Variants in ELL2 observed in about 807,000 individuals in gnomAD.
ELL2 encodes elongation factor for RNA polymerase II 2, also known as RNA polymerase II elongation factor ELL2.
A neutral mutation model predicts 72.8 loss-of-function variants in ELL2; 21 were observed. The observed-to-expected ratio is 0.29, with a 90% CI of 0.20 to 0.42. ELL2 has a LOEUF of 0.42. Ranked by LOEUF, ELL2 falls within the 10% of genes least tolerant of loss-of-function variation. The pLI, the probability that ELL2 is intolerant of heterozygous loss-of-function variation, is 1.00. For missense variants in ELL2, 568 were observed against 772.8 expected (o/e 0.73, Z 3.14); for synonymous variants, 266 against 283.2 (o/e 0.94, Z 0.61).
At chr5:95,943,517 T>C (rs1037073258) in intron 1 of ELL2, among the ~76,000 whole-genome samples, 9 of 152,154 alleles carry the variant, frequency 5.9e-5, no homozygotes, top group African/African-American at 2.2e-4. Context: ...AATTCAATTT[T>C]ACATTAAAAA....
At chr5:95,959,645 A>G (rs942173431) in intron 1 of ELL2, among the ~76,000 whole-genome samples, 13 of 151,784 alleles carry the variant, frequency 8.6e-5, no homozygotes, top group Non-Finnish European at 1.9e-4. Flanking sequence ...GCAGTTTTCT[A>G]TTTCTTGTAT....
rs145920584 is a variant in ELL2, at chr5:95,930,898, C to G, written c.196-11353G>C. On this transcript the variant is annotated intron_variant, in intron 2 of 11. Coordinates refer to ENST00000237853, the MANE Select transcript of ELL2 (RefSeq NM_012081.6). ...AAAGTGTGTGTGTAAAAATATGCAC[C>G]ATTTTGTGCCATTTTTTTTTTATGA... Among the ~76,000 whole-genome samples, 208 of 133,904 alleles carry G rather than the reference C, an allele frequency of 1.6e-3. 1 individual carries two copies. Among genetic ancestry groups the G allele is most frequent in the African/African-American group, 6.8e-3 (200 of 29,356 alleles). The allele number at this position is 133,904 out of a possible 152,430, so 87.8% of individuals were successfully genotyped here. A position where few individuals can be genotyped will look rare whatever the true frequency, so the allele number is the denominator to read the frequency against.
chr5:95,901,729 A>G (rs1307395596), intron 5 of ELL2, among the ~76,000 whole-genome samples: 2 of 152,234 alleles, frequency 1.3e-5, no homozygotes, highest in East Asian at 1.9e-4. Flanking sequence ...GGGGACATAC[A>G]GAGGGTTATC....
Position 95,943,914 on chromosome 5 carries a change from T to C in ELL2, c.148-865A>G, listed in dbSNP as rs1751063489. 2.0e-5 allele frequency among the ~76,000 whole-genome samples: 3 copies of C among 152,224 alleles called. No homozygotes were observed. The South Asian group carries it at 6.2e-4, about 31-fold the overall frequency. ...TCAAAGTCACCAGCATATTTTTCTA[T>C]GGGAAAGCTTTTCCAAATTGCCAAC... On this transcript the variant is annotated intron_variant, in intron 1 of 11. Transcript: ENST00000237853.
chr5:95,897,361 C>A (rs1214301949), intron 8 of ELL2, among the ~76,000 whole-genome samples: 1 of 152,186 alleles, frequency 6.6e-6, no homozygotes, highest in Non-Finnish European at 1.5e-5. Context: ...GGTTTTAAAA[C>A]TGGCAGCAAT....
intron 8 of ELL2, among the ~76,000 whole-genome samples, chr5:95,896,596 G>A (rs1175323485): frequency 2.0e-5 from 3 of 151,874 alleles, no homozygotes; most frequent in African/African-American, 7.3e-5. Flanking sequence ...TTCATGCTTG[G>A]GTAAAAGAAC....
At chr5:95,918,466 C>T (rs761838137) in intron 3 of ELL2, among the ~76,000 whole-genome samples, 1 of 152,156 alleles carries the variant, frequency 6.6e-6, no homozygotes, top group South Asian at 2.1e-4. Context: ...CAAAAAGTTA[C>T]GTAGACACCT....
At chr5:95,899,102 C>G (rs1749020336) in intron 7 of ELL2, among the ~76,000 whole-genome samples, 3 of 152,222 alleles carry the variant, frequency 2.0e-5, no homozygotes, top group African/African-American at 7.2e-5. Flanking sequence ...TGAATTCTTT[C>G]TAATCATACA....
chr5:95,911,474 A>C (rs1446984679), intron 4 of ELL2, among the ~76,000 whole-genome samples: 1 of 152,114 alleles, frequency 6.6e-6, no homozygotes, highest in Non-Finnish European at 1.5e-5. Flanking sequence ...CTTAGCTGAG[A>C]TTACAGGTGC....
intron 1 of ELL2, among the ~76,000 whole-genome samples, chr5:95,960,799 G>A (rs1228917936): frequency 1.3e-5 from 2 of 152,046 alleles, no homozygotes; most frequent in Admixed American, 1.3e-4. Flanking sequence ...GTTTGTGTCC[G>A]TCCTGGACGC....
chr5:95,905,237 GCACA>G (rs57650305), intron 5 of ELL2, among the ~76,000 whole-genome samples: 4 of 149,708 alleles, frequency 2.7e-5, no homozygotes, highest in Non-Finnish European at 5.9e-5. Flanking sequence ...TGAGATACGC[GCACA>G]CACACACACA....
intron 1 of ELL2, among the ~76,000 whole-genome samples, chr5:95,947,184 T>C (rs866676870): frequency 2.0e-5 from 3 of 152,164 alleles, no homozygotes; most frequent in African/African-American, 7.2e-5. Context: ...CTTACAAGTA[T>C]TACGTGCTCA....
intron 1 of ELL2, among the ~76,000 whole-genome samples, chr5:95,948,449 A>AAAAAAAAAC (rs1174345243): frequency 6.7e-6 from 1 of 150,358 alleles, no homozygotes; most frequent in African/African-American, 2.4e-5. Context: ...AAAAAAAAAA[A>AAAAAAAAAC]AAAAGCCACA....
intron 2 of ELL2, among the ~76,000 whole-genome samples, chr5:95,942,701 A>T (rs1751012897): frequency 6.6e-6 from 1 of 152,234 alleles, no homozygotes; most frequent in South Asian, 2.1e-4. Context: ...GTGATAATAC[A>T]TACTCACATA....
chr5:95,901,473 G>A (rs1265862692), intron 5 of ELL2, among the ~76,000 whole-genome samples: 1 of 152,126 alleles, frequency 6.6e-6, no homozygotes, highest in Non-Finnish European at 1.5e-5. Flanking sequence ...TAAAAACTCC[G>A]ATGGTAACGA....
intron 5 of ELL2, among the ~76,000 whole-genome samples, chr5:95,901,421 C>G (rs1294813902): frequency 6.6e-6 from 1 of 152,140 alleles, no homozygotes; most frequent in African/African-American, 2.4e-5. Flanking sequence ...TAGTCCCCTC[C>G]TTATCTTCAA....
Position 95,898,539 on chromosome 5 carries a change from T to A in ELL2, c.1226A>T (p.Asp409Val), listed in dbSNP as rs1748972603. The A allele has an allele frequency of 1.2e-6, 2 of 1,614,092 alleles. No homozygotes were observed. The highest frequency in any genetic ancestry group is 1.7e-6 in the Non-Finnish European group (2 of 1,180,032). Reference sequence around the variant, plus strand: ...TTGACTAAAACTGTCAACAGGTAGGTCTTGAGTCCCCCGGCCTTCTGGAGT... The same window carrying A: ...TTGACTAAAACTGTCAACAGGTAGGACTTGAGTCCCCCGGCCTTCTGGAGT... ...PSTPEGRGTQ[D>V]LPVDSFSQND... The change falls in exon 8 of 12, where the codon GAC becomes GTC. Residue 409 changes from aspartate (D) to valine (V), a missense_variant. By Grantham distance (152) the Asp-to-Val change is radical (BLOSUM62 -3). This residue lies in a region of ELL2 where 511 missense variants were observed against 728.4 expected (regional missense o/e 0.70). Coordinates refer to ENST00000237853, the MANE Select transcript of ELL2 (RefSeq NM_012081.6).
chr5:95,898,929 G>A, intron 7 of ELL2, 119 bp from the exon 8 acceptor site: 1 of 700,480 alleles, frequency 1.4e-6, no homozygotes, highest in South Asian at 4.9e-5. Flanking sequence ...TACCAGGGTT[G>A]TAATATTACA....
In ELL2 at chr5:95,898,742, C is replaced by T. The variant is rs747401456; in HGVS notation, c.1023G>A (p.Thr341=). The T allele has an allele frequency of 1.8e-5, 28 of 1,577,498 alleles. No homozygotes were observed. The highest frequency in any genetic ancestry group is 2.7e-5 in the African/African-American group (2 of 73,184). The change falls in exon 8 of 12, where the codon ACG becomes ACA. Residue 341 remains threonine (T), a synonymous_variant. Coordinates refer to ENST00000237853, the MANE Select transcript of ELL2 (RefSeq NM_012081.6). ...MNKKARISHL[T]NRVPPTLNGH... ...CATTTAGTGTTGGTGGTACTCTGTT[C>T]GTCAGGTGAGATATTCGGGCTTTTT...
Sources: allele counts gnomAD v4.1 joint callset (sites outside exome capture counted in the v4.1 genomes callset), GRCh38; gene constraint gnomAD v4.1.1; regional missense constraint gnomAD v4.1.1; transcripts MANE v1.5; gene names NCBI Gene and HGNC (gene_info 2026-07-23, HGNC 2026-07-21).